Variants in ADAM2 observed in about 807,000 individuals in gnomAD.
ADAM2 encodes the protein disintegrin and metalloproteinase domain-containing protein 2.
In ADAM2, 101 loss-of-function variants were observed where a neutral mutation model predicts 99.3. The observed-to-expected ratio is 1.02, with a 90% CI of 0.87 to 1.20. The LOEUF is 1.20. Among genes scored for constraint, ADAM2 ranks in the 50% most tolerant of loss-of-function variants. ADAM2 has a pLI of 0.00. For missense variants in ADAM2, 948 were observed against 878.7 expected, an observed-to-expected ratio of 1.08 and a Z score of -1.00; for synonymous variants, 323 against 287.6, an observed-to-expected ratio of 1.12 and a Z score of -1.25.
chr8:39,822,686 T>A (rs774275103), intron 4 of ADAM2, among the ~76,000 whole-genome samples: 15 of 152,204 alleles, frequency 9.9e-5, no homozygotes, highest in Non-Finnish European at 2.1e-4. Flanking sequence ...ATAAGTATTA[T>A]TTGTCTGTTT....
intron 15 of ADAM2, among the ~76,000 whole-genome samples, chr8:39,756,493 T>C (rs1427822448): frequency 6.6e-6 from 1 of 152,192 alleles, no homozygotes; most frequent in Non-Finnish European, 1.5e-5. Context: ...GAATCTTAAA[T>C]GCTACCACAT....
rs1350747025 is a variant in ADAM2, at chr8:39,767,148, C to T, written c.1311+5G>A. 3.1e-6 allele frequency: 5 copies of T among 1,604,718 alleles called. No homozygotes were observed. On this transcript the variant is annotated splice_donor_5th_base_variant and intron_variant, in intron 13 of 20. Coordinates refer to ENST00000265708, the MANE Select transcript of ADAM2 (RefSeq NM_001464.5). ...TAATATTGAAATTTTTCAAAAAGCTCTTACTAGACAGTTTTCGCAGCATGG... is the reference window on the plus strand; with the variant it reads ...TAATATTGAAATTTTTCAAAAAGCTTTTACTAGACAGTTTTCGCAGCATGG...
In ADAM2 at chr8:39,788,267, T is replaced by C. The variant is rs1384956306; in HGVS notation, c.643-16A>G. ...AAACAAAAATCTAAAATAGAAAACA[T>C]ACAAAAGTGTGCTCAAAAGTCACAG... On this transcript the variant is annotated splice_polypyrimidine_tract_variant and intron_variant, in intron 8 of 20. Transcript: ENST00000265708. The C allele has an allele frequency of 2.1e-6, 3 of 1,448,220 alleles. No homozygotes were observed. Among genetic ancestry groups the C allele is most frequent in the African/African-American group, 1.5e-5 (1 of 68,656 alleles). 89.7% of individuals were successfully genotyped at this position (1,448,220 alleles called of 1,614,324 possible).
chr8:39,820,774 G>T (rs1254984020), intron 6 of ADAM2, among the ~76,000 whole-genome samples: 3 of 152,124 alleles, frequency 2.0e-5, no homozygotes, highest in African/African-American at 4.8e-5. Flanking sequence ...TACAGAAAAA[G>T]ATGCCACTAA....
At chr8:39,778,366 T>G (rs992694158) in intron 10 of ADAM2, among the ~76,000 whole-genome samples, 9 of 151,990 alleles carry the variant, frequency 5.9e-5, no homozygotes, top group Non-Finnish European at 1.3e-4. Context: ...TTTACCTTGA[T>G]TTTTTCTAAT....
chr8:39,783,514 C>T (rs565474576), intron 10 of ADAM2, among the ~76,000 whole-genome samples: 1 of 152,076 alleles, frequency 6.6e-6, no homozygotes, highest in East Asian at 1.9e-4. Flanking sequence ...CTAGAACATC[C>T]TTCCTTTAGA....
chr8:39,757,311 A>G (rs1388042404), intron 15 of ADAM2, among the ~76,000 whole-genome samples: 1 of 152,088 alleles, frequency 6.6e-6, no homozygotes, highest in East Asian at 1.9e-4. Context: ...ACATGCTCAC[A>G]CTTTGAAGAC....
intron 12 of ADAM2, 46 bp downstream of exon 12, chr8:39,769,346 A>G: frequency 6.8e-7 from 1 of 1,463,910 alleles, no homozygotes. Flanking sequence ...TTAATAAGTA[A>G]TTTTTGCTGC....
intron 14 of ADAM2, among the ~76,000 whole-genome samples, chr8:39,764,557 C>A (rs554834623): frequency 1.3e-5 from 2 of 152,200 alleles, no homozygotes; most frequent in African/African-American, 4.8e-5. Flanking sequence ...TGCCCCCAGA[C>A]GCCAGCTTAA....
intron 7 of ADAM2, among the ~76,000 whole-genome samples, chr8:39,808,259 G>A (rs186465380): frequency 1.1e-3 from 159 of 147,532 alleles, no homozygotes; most frequent in Middle Eastern, 7.0e-3. Context: ...AAAATCACAA[G>A]ATACGAGATC....
chr8:39,812,572 A>G (rs1327824652), intron 6 of ADAM2, among the ~76,000 whole-genome samples: 3 of 152,114 alleles, frequency 2.0e-5, no homozygotes, highest in South Asian at 2.1e-4. Context: ...TGGTACCAAA[A>G]CAGAGATATA....
chr8:39,806,222 A>G (rs536965371), intron 7 of ADAM2, among the ~76,000 whole-genome samples: 1 of 152,244 alleles, frequency 6.6e-6, no homozygotes, highest in South Asian at 2.1e-4. Context: ...ACCCAAGGAC[A>G]ACCACTAGGA....
At chr8:39,779,949 C>A (rs1353869127) in intron 10 of ADAM2, among the ~76,000 whole-genome samples, 1 of 151,912 alleles carries the variant, frequency 6.6e-6, no homozygotes, top group Non-Finnish European at 1.5e-5. Flanking sequence ...ATTATTTAGT[C>A]AAGAAACTGG....
intron 3 of ADAM2, among the ~76,000 whole-genome samples, chr8:39,830,012 TATTATA>T (rs1441695173): frequency 1.3e-5 from 2 of 152,160 alleles, no homozygotes; most frequent in African/African-American, 2.4e-5. Context: ...ACTGAGGGGC[TATTATA>T]GCAAATGAAA....
intron 20 of ADAM2, among the ~76,000 whole-genome samples, chr8:39,744,423 TCTCTCCTCCCCC>T (rs1437509336): frequency 1.3e-5 from 2 of 151,982 alleles, no homozygotes; most frequent in East Asian, 3.8e-4. Flanking sequence ...ACGTTCTTTC[TCTCTCCTCCCCC>T]CAACCCCCCC....
At chr8:39,813,136 A>G (rs967922291) in intron 6 of ADAM2, among the ~76,000 whole-genome samples, 2 of 152,242 alleles carry the variant, frequency 1.3e-5, no homozygotes, top group African/African-American at 4.8e-5. Flanking sequence ...TCTCAAAAGA[A>G]GACGTTTATG....
chr8:39,788,966 G>A (rs966915687), intron 7 of ADAM2, among the ~76,000 whole-genome samples: 1 of 151,072 alleles, frequency 6.6e-6, no homozygotes, highest in African/African-American at 2.4e-5. Flanking sequence ...AATTTAAAAA[G>A]TTTAAACATT....
intron 6 of ADAM2, 89 bp downstream of exon 6, chr8:39,820,913 G>A: frequency 1.2e-6 from 1 of 811,572 alleles, no homozygotes; most frequent in East Asian, 2.6e-5. Flanking sequence ...GTTTATGGGT[G>A]TGTAAATATG....
At chr8:39,746,653 G>C (rs1823478773) in intron 18 of ADAM2, 22 bp from the exon 19 acceptor site, 1 of 1,541,584 alleles carries the variant, frequency 6.5e-7, no homozygotes. Flanking sequence ...AAAAATCAAA[G>C]ATTTGAAAGC....
Sources: gnomAD v4.1 joint callset for allele counts (sites outside exome capture counted in the v4.1 genomes callset) on GRCh38, gnomAD v4.1.1 for gene constraint, MANE v1.5 for transcripts, NCBI Gene and HGNC (gene_info 2026-07-23, HGNC 2026-07-21) for gene names.